The following CRYBG3 variants were observed in gnomAD, a reference collection of about 807,000 sequenced individuals.
CRYBG3 encodes the protein very large A-kinase anchor protein.
A neutral mutation model predicts 244.2 loss-of-function variants in CRYBG3; 127 were observed. The observed-to-expected ratio is 0.52, with a 90% CI of 0.45 to 0.60. The LOEUF (loss-of-function observed/expected upper bound fraction) is 0.60. CRYBG3 is among the 20% of genes least tolerant of loss of function. CRYBG3 has a pLI of 0.00. For missense variants in CRYBG3, 3,325 were observed against 3,442.5 expected, an observed-to-expected ratio of 0.97 and a Z score of 0.85; for synonymous variants, 1,132 against 1,195.8, an observed-to-expected ratio of 0.95 and a Z score of 1.10.
intron 2 of CRYBG3, 60 bp downstream of exon 2, chr3:97,843,321 C>G: frequency 1.2e-6 from 1 of 807,090 alleles, no homozygotes; most frequent in Non-Finnish European, 1.9e-6. Context: ...GCTGTTAATT[C>G]TTTTAGATTC....
chr3:97,924,987 A>G (rs1284404352), intron 17 of CRYBG3, among the ~76,000 whole-genome samples: 1 of 152,064 alleles, frequency 6.6e-6, no homozygotes, highest in African/African-American at 2.4e-5. Flanking sequence ...ACAAAGGTTT[A>G]GTGTACCGAA....
At chr3:97,929,158 A>G (rs2040070776) in intron 17 of CRYBG3, among the ~76,000 whole-genome samples, 1 of 152,050 alleles carries the variant, frequency 6.6e-6, no homozygotes, top group Non-Finnish European at 1.5e-5. Flanking sequence ...TCCGGCAGGA[A>G]TGTCCTGTTA....
intron 7 of CRYBG3, 115 bp from the exon 8 acceptor site, chr3:97,886,516 T>G: frequency 1.4e-6 from 1 of 733,714 alleles, no homozygotes; most frequent in Non-Finnish European, 2.0e-6. Flanking sequence ...ATGTTTTCTT[T>G]GTGAAGAAAT....
intron 17 of CRYBG3, among the ~76,000 whole-genome samples, chr3:97,923,215 C>T (rs1253295754): frequency 6.6e-6 from 1 of 151,994 alleles, no homozygotes; most frequent in Non-Finnish European, 1.5e-5. Flanking sequence ...GGAGGGATAG[C>T]ATTAGGAGGA....
intron 17 of CRYBG3, among the ~76,000 whole-genome samples, chr3:97,920,527 C>T (rs1032606229): frequency 6.6e-6 from 1 of 151,834 alleles, no homozygotes; most frequent in African/African-American, 2.4e-5. Flanking sequence ...ATCATCATTA[C>T]CCCCCTCCCC....
In CRYBG3 at chr3:97,875,372, T is replaced by G; in HGVS notation, c.4178T>G (p.Ile1393Ser). The G allele has an allele frequency of 2.1e-6, 3 of 1,414,792 alleles. No individual in the cohort carries two copies. The highest frequency in any genetic ancestry group is 2.7e-6 in the Non-Finnish European group (3 of 1,092,820). 87.6% of individuals were successfully genotyped at this position (1,414,792 alleles called of 1,614,324 possible). A position where few individuals can be genotyped will look rare whatever the true frequency, so the allele number is the denominator to read the frequency against. The change falls in exon 4 of 22, where the codon ATT becomes AGT. Residue 1393 changes from isoleucine to serine, a missense_variant. Transcript: ENST00000389622. Reference protein sequence around the residue: ...LSNLASGTESIKGGEIVLYQK... With the variant: ...LSNLASGTESSKGGEIVLYQK... ...AACTTAGCTAGTGGCACAGAGTCAA[T>G]TAAGGGAGGAGAAATTGTTCTCTAC...
intron 17 of CRYBG3, among the ~76,000 whole-genome samples, chr3:97,932,544 ATTG>A (rs2040108857): frequency 6.6e-6 from 1 of 151,956 alleles, no homozygotes; most frequent in Non-Finnish European, 1.5e-5. Context: ...CTGTTCATTT[ATTG>A]TTCTTTGACC....
At chr3:97,865,480 G>A (rs1203225520) in intron 3 of CRYBG3, among the ~76,000 whole-genome samples, 2 of 152,022 alleles carry the variant, frequency 1.3e-5, no homozygotes, top group African/African-American at 2.4e-5. Flanking sequence ...TTAATTCCTC[G>A]TAGTAAACGT....
At chr3:97,864,142 T>C (rs966011670) in intron 2 of CRYBG3, 75 bp from the exon 3 acceptor site, 1 of 1,178,750 alleles carries the variant, frequency 8.5e-7, no homozygotes, top group Admixed American at 2.9e-5. Context: ...ACACAGAATC[T>C]GTTTTATAAT....
intron 15 of CRYBG3, 82 bp from the exon 16 acceptor site, chr3:97,912,085 A>G (rs2039878855): frequency 1.7e-6 from 1 of 603,848 alleles, no homozygotes; most frequent in Admixed American, 3.1e-5. Flanking sequence ...TTATAAATTC[A>G]TGAAATTAAA....
rs76612065 is a variant in CRYBG3, at chr3:97,890,278, G to A, written c.7440+888G>A. Among the ~76,000 whole-genome samples the A allele has an allele frequency of 3.2e-3, 483 of 152,274 alleles. 2 individuals are homozygous for A. The highest frequency in any genetic ancestry group is 0.011 in the African/African-American group (442 of 41,572). ...CAGAGATACTGTATTAGTTTGGGCC[G>A]TGGTCAACAGTTTGCAAAGAGTCCT... On this transcript the variant is annotated intron_variant, in intron 10 of 21. Transcript: ENST00000389622.
At chr3:97,894,030 T>C (rs578118483) in intron 11 of CRYBG3, among the ~76,000 whole-genome samples, 2 of 152,172 alleles carry the variant, frequency 1.3e-5, no homozygotes, top group East Asian at 3.8e-4. Context: ...TTTAAAAAAT[T>C]TATTAGGGTC....
At chr3:97,869,527 T>C (rs1401586515) in intron 3 of CRYBG3, among the ~76,000 whole-genome samples, 1 of 152,144 alleles carries the variant, frequency 6.6e-6, no homozygotes, top group Non-Finnish European at 1.5e-5. Context: ...GAGGCTTACA[T>C]AGAGAGATTA....
At chr3:97,935,606 T>C (rs909132030) in intron 18 of CRYBG3, among the ~76,000 whole-genome samples, 2 of 152,092 alleles carry the variant, frequency 1.3e-5, no homozygotes, top group Admixed American at 6.6e-5. Flanking sequence ...GTTGGTATCT[T>C]TTCCTGCATT....
In CRYBG3 at chr3:97,879,694, A is replaced by G. The variant is rs2039423203; in HGVS notation, c.6844-10A>G. 3.8e-6 allele frequency: 6 copies of G among 1,593,102 alleles called. No homozygotes were observed. The East Asian group carries it at 9.0e-5, about 24-fold the overall frequency. On this transcript the variant is annotated splice_polypyrimidine_tract_variant and intron_variant, in intron 4 of 21. Transcript: ENST00000389622. Reference sequence around the variant, plus strand: ...TCTTAAAGCTTACTTTTCCACTTTTATTATTTCAGAATGTTGACAAACAAA... The same window carrying G: ...TCTTAAAGCTTACTTTTCCACTTTTGTTATTTCAGAATGTTGACAAACAAA...
chr3:97,942,715 A>G, intron 21 of CRYBG3: 1 of 295,972 alleles, frequency 3.4e-6, no homozygotes, highest in Non-Finnish European at 6.1e-6. Context: ...CAAGCACCAT[A>G]AACCATGAAA....
At chr3:97,840,287 T>C (rs747785013) in intron 1 of CRYBG3, among the ~76,000 whole-genome samples, 58 of 152,234 alleles carry the variant, frequency 3.8e-4, no homozygotes, top group Non-Finnish European at 7.2e-4. Flanking sequence ...TAGAAAAGTG[T>C]TGAAATTTTA....
At chr3:97,923,628 C>A (rs2040008572) in intron 17 of CRYBG3, among the ~76,000 whole-genome samples, 1 of 151,934 alleles carries the variant, frequency 6.6e-6, no homozygotes, top group South Asian at 2.1e-4. Flanking sequence ...GAAAACAAAA[C>A]TGGCAAGAGC....
intron 16 of CRYBG3, among the ~76,000 whole-genome samples, chr3:97,913,294 A>G (rs1322828841): frequency 6.6e-6 from 1 of 152,004 alleles, no homozygotes; most frequent in African/African-American, 2.4e-5. Flanking sequence ...TCCATTTCCC[A>G]TCCTATTCTC....
Sources: gnomAD v4.1 joint callset for allele counts (sites outside exome capture counted in the v4.1 genomes callset) on GRCh38, gnomAD v4.1.1 for gene constraint, MANE v1.5 for transcripts, NCBI Gene and HGNC (gene_info 2026-07-23, HGNC 2026-07-21) for gene names.